Variants in POF1B observed in about 807,000 individuals in gnomAD.
The protein encoded by POF1B is protein POF1B.
A neutral mutation model predicts 55.3 loss-of-function variants in POF1B; 53 were observed. That is an observed-to-expected ratio of 0.96 (90% CI 0.77 to 1.20). The LOEUF (loss-of-function observed/expected upper bound fraction) is 1.20. POF1B is among the 50% of genes most tolerant of loss of function. The probability of loss-of-function intolerance (pLI) is 0.00; values close to 1 mark genes in which losing one functional copy is unlikely to be tolerated. For synonymous variants in POF1B, 188 were observed against 148.3 expected (o/e 1.27, Z -1.95); for missense variants, 478 against 420.5 (o/e 1.14, Z -1.20).
Position 85,331,027 on chromosome X carries a change from T to A in POF1B, c.776A>T (p.Glu259Val). The A allele has an allele frequency of 1.7e-6, 2 of 1,206,158 alleles. No individual in the cohort carries two copies. Among genetic ancestry groups the A allele is most frequent in the Non-Finnish European group, 2.2e-6 (2 of 892,303 alleles). The change falls in exon 7 of 17, where the codon GAG (glutamate) becomes GTG (valine). Residue 259 changes from glutamate to valine, a missense_variant. Transcript: ENST00000262753. ...CTTACGGCTCAGATCAGCAAGCAAC[T>A]CTCCAAAATATCTGGGGTCCAATTT... ...PEKLDPRYFG[E>V]LLADLSRKNT... is the part of the protein sequence containing the mutation.
intron 15 of POF1B, among the ~76,000 whole-genome samples, chrX:85,295,595 G>T (rs1406789962): frequency 1.8e-5 from 2 of 111,470 alleles, no homozygotes; most frequent in African/African-American, 6.5e-5. Context: ...GCATATGCTT[G>T]GTATAATTTT....
chrX:85,323,181 G>A (rs1226568149), intron 7 of POF1B, among the ~76,000 whole-genome samples: 2 of 111,446 alleles, frequency 1.8e-5, no homozygotes, highest in African/African-American at 6.5e-5. Context: ...AATAGCAAAG[G>A]CTTGGAACCA....
At chrX:85,303,260 T>G in intron 15 of POF1B, 146 bp downstream of exon 15, 2 of 386,268 alleles carry the variant, frequency 5.2e-6, no homozygotes, top group Non-Finnish European at 9.0e-6. Context: ...GTGATGTCTT[T>G]TTGTGAATAT....
At chrX:85,307,310 T>A (rs1324643932) in intron 10 of POF1B, 34 bp from the exon 11 acceptor site, 6 of 980,206 alleles carry the variant, frequency 6.1e-6, no homozygotes, top group Non-Finnish European at 8.5e-6. Context: ...TGATTCAGAA[T>A]TGCAAAAACT....
intron 9 of POF1B, among the ~76,000 whole-genome samples, chrX:85,309,196 C>T (rs184899638): frequency 9.1e-6 from 1 of 110,100 alleles, no homozygotes; most frequent in East Asian, 2.9e-4. Context: ...GCCACTACTT[C>T]ATTTACATAG....
intron 16 of POF1B, 73 bp downstream of exon 16, chrX:85,282,130 A>G (rs1931913470): frequency 9.7e-7 from 1 of 1,026,340 alleles, no homozygotes; most frequent in South Asian, 3.4e-5. Context: ...AGTTCATTTG[A>G]TATTTTACCT....
In POF1B at chrX:85,307,276, A is replaced by T; in HGVS notation, c.1051T>A (p.Ser351Thr). Reference sequence around the variant, plus strand: ...AGTCTCATCTTGTCATTTTCCAGTGACTAGAAGCATAAATTATTTATTATG... The same window carrying T: ...AGTCTCATCTTGTCATTTTCCAGTGTCTAGAAGCATAAATTATTTATTATG... ...ELGHLQNDMT[S>T]LENDKMRLEK... Residue 351 changes from serine (S) to threonine (T), a missense_variant and splice_region_variant, in exon 11 of 17, where the codon TCA becomes ACA. Physicochemically the swap from Ser to Thr is moderately conservative, Grantham distance 58 (BLOSUM62 1). Transcript: ENST00000262753. 1 of 1,142,845 alleles carries T rather than the reference A, an allele frequency of 8.8e-7. No homozygotes were observed. The highest frequency in any genetic ancestry group is 1.2e-6 in the Non-Finnish European group (1 of 844,151). 94.2% of individuals were successfully genotyped at this position (1,142,845 alleles called of 1,213,427 possible).
At chrX:85,304,496 A>G in intron 13 of POF1B, 25 bp from the exon 14 acceptor site, 1 of 946,556 alleles carries the variant, frequency 1.1e-6, no homozygotes, top group Non-Finnish European at 1.4e-6. Context: ...AGAAATAAAT[A>G]TTATTATAAT....
Position 85,305,843 on chromosome X carries a change from T to C in POF1B, c.1385A>G (p.Glu462Gly). Residue 462 changes from glutamate (E) to glycine (G), a missense_variant, in exon 13 of 17, where the codon GAG (glutamate) becomes GGG (glycine). Coordinates refer to ENST00000262753, the MANE Select transcript of POF1B (RefSeq NM_024921.4). ...KMDEIGNHYT[E>G]MVKNLRMEKD... ...CTCCATTCTCAAGTTTTTTACCATC[T>C]CCGTGTAGTGGTTGCCAATCTCATC... 1 of 1,209,591 alleles carries C rather than the reference T, an allele frequency of 8.3e-7. No individual in the cohort carries two copies.
chrX:85,344,667 C>G (rs1555985688), intron 6 of POF1B, among the ~76,000 whole-genome samples: 1 of 111,674 alleles, frequency 9.0e-6, no homozygotes, highest in Admixed American at 9.5e-5. Context: ...ATCTAATACA[C>G]TTAAGGTAAA....
chrX:85,344,498 T>C (rs746748117), intron 6 of POF1B, among the ~76,000 whole-genome samples: 4 of 111,268 alleles, frequency 3.6e-5, no homozygotes, highest in Non-Finnish European at 5.7e-5. Context: ...TATGCTTTTT[T>C]ATGTGCCTGC....
At chrX:85,350,755 A>G (rs1002183830) in intron 5 of POF1B, among the ~76,000 whole-genome samples, 1 of 111,345 alleles carries the variant, frequency 9.0e-6, no homozygotes, top group African/African-American at 3.3e-5. Context: ...ATCACTGGCC[A>G]TCAGAGAAAT....
rs1358934688 is a variant in POF1B, at chrX:85,321,057, A to G, written c.855-5323T>C. 2.7e-5 allele frequency among the ~76,000 whole-genome samples: 3 copies of G among 111,872 alleles called. No individual in the cohort carries two copies. The Admixed American group carries it at 2.9e-4, about 11-fold the overall frequency. ...ATTCCTTCTGAAGCTATTCCAATCA[A>G]TAGAAAAAGAGGGAATCTTCCCTAA... On this transcript the variant is annotated intron_variant, in intron 7 of 16. Transcript: ENST00000262753.
intron 15 of POF1B, among the ~76,000 whole-genome samples, chrX:85,283,677 A>G (rs919080792): frequency 1.9e-4 from 21 of 110,532 alleles, no homozygotes; most frequent in Non-Finnish European, 3.8e-4. Flanking sequence ...ATGTAAAGCT[A>G]TAAACACACG....
At chrX:85,356,859 A>C (rs1459485985) in intron 4 of POF1B, among the ~76,000 whole-genome samples, 1 of 111,021 alleles carries the variant, frequency 9.0e-6, no homozygotes, top group Non-Finnish European at 1.9e-5. Context: ...CTCACATCTA[A>C]CAAAGTATAT....
chrX:85,305,198 T>G (rs933080860), intron 13 of POF1B, among the ~76,000 whole-genome samples: 5 of 111,708 alleles, frequency 4.5e-5, no homozygotes. Context: ...GTGATTATTT[T>G]GTTTATTAAA....
At chrX:85,290,410 A>G (rs6652436) in intron 15 of POF1B, among the ~76,000 whole-genome samples, 14,508 of 111,018 alleles carry the variant, frequency 0.13, 710 homozygotes, top group South Asian at 0.18. Context: ...TAACGCTGCA[A>G]TGAACATGCA....
intron 7 of POF1B, among the ~76,000 whole-genome samples, chrX:85,319,380 C>T (rs1268500364): frequency 2.7e-5 from 3 of 111,127 alleles, no homozygotes; most frequent in Non-Finnish European, 5.7e-5. Flanking sequence ...TGCCAGATAG[C>T]TCTGGCTGGG....
At chrX:85,313,762 C>T (rs1319102736) in intron 9 of POF1B, among the ~76,000 whole-genome samples, 1 of 111,209 alleles carries the variant, frequency 9.0e-6, no homozygotes, top group Non-Finnish European at 1.9e-5. Context: ...ACCAGCTCCT[C>T]TTTGTACCCC....
Sources: gnomAD v4.1 joint callset for allele counts (sites outside exome capture counted in the v4.1 genomes callset) on GRCh38, gnomAD v4.1.1 for gene constraint, MANE v1.5 for transcripts, NCBI Gene and HGNC (gene_info 2026-07-23, HGNC 2026-07-21) for gene names.